Variants in GRID2 observed in about 807,000 individuals in gnomAD.
GRID2 encodes glutamate receptor ionotropic, delta-2.
GRID2 carries 33 observed loss-of-function variants against 114.8 expected under a neutral mutation model. The observed-to-expected ratio is 0.29, with a 90% CI of 0.22 to 0.38. GRID2 has a LOEUF of 0.38. GRID2 is among the 10% of genes least tolerant of loss of function. GRID2 has a pLI of 1.00. For synonymous variants in GRID2, 505 were observed against 449.9 expected (o/e 1.12, Z -1.55); for missense variants, 1,184 against 1,257.7 (o/e 0.94, Z 0.89).
chr4:93,786,018 A>G (rs1391067790), intron 1 of GRID2, among the ~76,000 whole-genome samples: 1 of 152,248 alleles, frequency 6.6e-6, no homozygotes, highest in Non-Finnish European at 1.5e-5. Context: ...ATCAAAGGAC[A>G]AAAGAGTGTG....
At chr4:92,723,737 A>C (rs1193594644) in intron 2 of GRID2, among the ~76,000 whole-genome samples, 1 of 152,064 alleles carries the variant, frequency 6.6e-6, no homozygotes, top group Non-Finnish European at 1.5e-5. Context: ...TGGTTCTGCT[A>C]ATATAAGAAA....
At chr4:93,720,244 T>C (rs1729236803) in intron 14 of GRID2, among the ~76,000 whole-genome samples, 1 of 152,206 alleles carries the variant, frequency 6.6e-6, no homozygotes. Context: ...TATCTCATTT[T>C]AAATGATAGG....
intron 1 of GRID2, among the ~76,000 whole-genome samples, chr4:92,463,478 A>C (rs1721595281): frequency 6.6e-6 from 1 of 152,010 alleles, no homozygotes; most frequent in Non-Finnish European, 1.5e-5. Flanking sequence ...AAACATTTAA[A>C]AAATAAACTC....
chr4:92,888,564 A>G (rs1024893313), intron 2 of GRID2, among the ~76,000 whole-genome samples: 45 of 152,044 alleles, frequency 3.0e-4, no homozygotes, highest in African/African-American at 1.1e-3. Context: ...GATGAAACTA[A>G]CGTCTTTCAG....
chr4:93,795,097 A>T (rs1449361027), intron 1 of GRID2, among the ~76,000 whole-genome samples: 1 of 152,078 alleles, frequency 6.6e-6, no homozygotes, highest in Non-Finnish European at 1.5e-5. Flanking sequence ...AAGACAAAAA[A>T]CTAAGAGATA....
At chr4:93,775,130 A>G (rs1174817036), downstream of GRID2, among the ~76,000 whole-genome samples, 1 of 126,836 alleles carries the variant, frequency 7.9e-6, no homozygotes, top group Non-Finnish European at 1.7e-5. Context: ...ATGTATTTTG[A>G]AAACATAATT....
intron 12 of GRID2, among the ~76,000 whole-genome samples, chr4:93,495,442 T>C (rs1727436698): frequency 6.6e-6 from 1 of 151,798 alleles, no homozygotes; most frequent in Admixed American, 6.6e-5. Context: ...CCAAATCTGG[T>C]ACTAAAGCCT....
intron 8 of GRID2, among the ~76,000 whole-genome samples, chr4:93,323,586 A>C (rs2149213826): frequency 6.6e-6 from 1 of 152,290 alleles, no homozygotes; most frequent in East Asian, 1.9e-4. Flanking sequence ...CTGTGAAGAA[A>C]GTCATTGGTA....
At chr4:92,553,851 C>T (rs1331186305) in intron 1 of GRID2, among the ~76,000 whole-genome samples, 2 of 152,002 alleles carry the variant, frequency 1.3e-5, no homozygotes, top group Non-Finnish European at 1.5e-5. Flanking sequence ...GGGCTTTTGC[C>T]ACGTTAGCCA....
At chr4:92,794,549 C>T (rs569482213) in intron 2 of GRID2, among the ~76,000 whole-genome samples, 2 of 151,854 alleles carry the variant, frequency 1.3e-5, no homozygotes, top group African/African-American at 4.8e-5. Context: ...TGTTTATCCT[C>T]ATTGATAAAT....
chr4:92,748,924 A>G (rs1737292906), intron 2 of GRID2, among the ~76,000 whole-genome samples: 1 of 152,008 alleles, frequency 6.6e-6, no homozygotes, highest in South Asian at 2.1e-4. Context: ...GCAGCCTCCC[A>G]CAGTGAGATT....
At chr4:93,170,932 T>C (rs995906) in intron 4 of GRID2, among the ~76,000 whole-genome samples, 25,872 of 152,066 alleles carry the variant, frequency 0.17, 2,545 homozygotes, top group Middle Eastern at 0.29. Flanking sequence ...GAAAATAATG[T>C]CTGCTCGGTA....
chr4:93,057,554 A>T (rs368709497), intron 2 of GRID2, among the ~76,000 whole-genome samples: 4 of 151,898 alleles, frequency 2.6e-5, no homozygotes, highest in African/African-American at 9.7e-5. Context: ...TAAAAAAGAC[A>T]TAAAGTAAAA....
chr4:92,965,450 T>TAAAAAAAAAAAAAAAAA (rs869285420), intron 2 of GRID2, among the ~76,000 whole-genome samples: 21 of 85,772 alleles, frequency 2.4e-4, no homozygotes, highest in Middle Eastern at 5.1e-3. Context: ...ATTCAATTTG[T>TAAAAAAAAAAAAAAAAA]AAAAAAAAAA....
chr4:92,344,396 T>C (rs769768125), intron 1 of GRID2, among the ~76,000 whole-genome samples: 6 of 152,236 alleles, frequency 3.9e-5, no homozygotes, highest in Admixed American at 6.5e-5. Context: ...GTTTTACATG[T>C]ATTGCATCAT....
intron 14 of GRID2, among the ~76,000 whole-genome samples, chr4:93,651,575 T>C (rs1722585958): frequency 6.6e-6 from 1 of 152,194 alleles, no homozygotes; most frequent in African/African-American, 2.4e-5. Context: ...CCCACTTGTA[T>C]GCCTATTTTG....
chr4:92,787,279 G>A (rs774611159), intron 2 of GRID2, among the ~76,000 whole-genome samples: 4 of 151,756 alleles, frequency 2.6e-5, no homozygotes, highest in Non-Finnish European at 1.5e-5. Flanking sequence ...AACATAAAAA[G>A]GTGTAATTAC....
intron 13 of GRID2, among the ~76,000 whole-genome samples, chr4:93,541,502 C>G (rs2149527905): frequency 6.6e-6 from 1 of 152,156 alleles, no homozygotes; most frequent in Non-Finnish European, 1.5e-5. Flanking sequence ...AAATACAACC[C>G]CGGTGTGAGA....
chr4:92,487,392 A>G (rs1377864015), intron 1 of GRID2, among the ~76,000 whole-genome samples: 2 of 151,820 alleles, frequency 1.3e-5, no homozygotes, highest in South Asian at 2.1e-4. Context: ...TCTATCTGTT[A>G]TTATACTCGT....
Sources: allele counts gnomAD v4.1 joint callset (sites outside exome capture counted in the v4.1 genomes callset), GRCh38; gene constraint gnomAD v4.1.1; transcripts MANE v1.5; gene names NCBI Gene and HGNC (gene_info 2026-07-23, HGNC 2026-07-21).